Variants in TUBGCP6 observed in about 807,000 individuals in gnomAD.
The protein encoded by TUBGCP6 is tubulin gamma complex component 6, also known as gamma-tubulin complex component 6.
A neutral mutation model predicts 175.8 loss-of-function variants in TUBGCP6; 161 were observed. The ratio of observed to expected loss-of-function variants is 0.92; its 90% confidence interval spans 0.81 to 1.04. TUBGCP6 has a LOEUF of 1.04. TUBGCP6 is among the 50% of genes least tolerant of loss of function. The pLI, the probability that TUBGCP6 is intolerant of heterozygous loss-of-function variation, is 0.00. For missense variants in TUBGCP6, 2,572 were observed against 2,433.0 expected (o/e 1.06, Z -1.20); for synonymous variants, 1,173 against 1,030.5 (o/e 1.14, Z -2.65).
intron 3 of TUBGCP6, among the ~76,000 whole-genome samples, chr22:50,233,063 C>G (rs1471441941): frequency 6.6e-6 from 1 of 152,262 alleles, no homozygotes; most frequent in African/African-American, 2.4e-5. Context: ...GGAACATTTT[C>G]TATCGCTTTG....
chr22:50,238,544 G>GTTTTTTTTTTTT (rs200713867), intron 2 of TUBGCP6, among the ~76,000 whole-genome samples: 2 of 125,508 alleles, frequency 1.6e-5, no homozygotes, highest in Admixed American at 7.7e-5. Context: ...TTTTTTTTTT[G>GTTTTTTTTTTTT]TTTTTTTTTT....
chr22:50,239,999 G>A (rs1036835615), intron 2 of TUBGCP6, among the ~76,000 whole-genome samples: 3 of 152,034 alleles, frequency 2.0e-5, no homozygotes, highest in African/African-American at 7.2e-5. Flanking sequence ...GGGGAGGTGA[G>A]GCCTCCTTAA....
Position 50,221,837 on chromosome 22 carries a change from T to A in TUBGCP6, c.2522A>T (p.Gln841Leu). Residue 841 changes from glutamine (Q) to leucine (L), a missense_variant, in exon 16 of 25, where the codon CAA becomes CTA. Transcript: ENST00000248846. ...CTCTGCAGACCCAGAATCACAGCCT[T>A]GGCCTCCCTCTGGGTGCTCAGGGCC... ...SPGPEHPEGGQGCDSGSAEQH... is the reference protein window; with the variant it reads ...SPGPEHPEGGLGCDSGSAEQH... 1 of 1,512,046 alleles carries A rather than the reference T, an allele frequency of 6.6e-7. No individual in the cohort carries two copies. The highest frequency in any genetic ancestry group is 8.8e-7 in the Non-Finnish European group (1 of 1,130,614). 93.7% of individuals were successfully genotyped at this position (1,512,046 alleles called of 1,614,324 possible). A position where few individuals can be genotyped will look rare whatever the true frequency, so the allele number is the denominator to read the frequency against.
Position 50,224,177 on chromosome 22 carries a change from A to C in TUBGCP6, c.2234T>G (p.Leu745Arg). ...CTCCAGCTCCTCCTCCAGGGACTTC[A>C]GCCTTCTCTCCCTGTCTCGGAGTTC... is the stretch of plus-strand genomic sequence containing the variant. ...ARELRDRERR[L>R]KSLEEELERK... Residue 745 changes from leucine (L) to arginine (R), a missense_variant, in exon 13 of 25, where the codon CTG becomes CGG. Coordinates refer to ENST00000248846, the MANE Select transcript of TUBGCP6 (RefSeq NM_020461.4). 1 of 1,613,930 alleles carries C rather than the reference A, an allele frequency of 6.2e-7. No homozygotes were observed. Among genetic ancestry groups the C allele is most frequent in the Non-Finnish European group, 8.5e-7 (1 of 1,179,994 alleles).
Position 50,226,825 on chromosome 22 carries a change from G to C in TUBGCP6, c.1509C>G (p.Ser503=), listed in dbSNP as rs771811679. 1.9e-6 allele frequency: 3 copies of C among 1,584,154 alleles called. No homozygotes were observed. The highest frequency in any genetic ancestry group is 2.6e-6 in the Non-Finnish European group (3 of 1,165,594). ...AAFPTGVKLL[S]YLYQEALHNC... The stretch of plus-strand genomic sequence containing the variant: ...TGTGCAGAGCCTCCTGGTAGAGGTA[G>C]GACAGCAGCTTCACGCCCTGCAGAC... The change falls in exon 7 of 25, where the codon TCC becomes TCG. Residue 503 remains serine (S), a synonymous_variant. Coordinates refer to ENST00000248846, the MANE Select transcript of TUBGCP6 (RefSeq NM_020461.4).
At chr22:50,228,456 G>A (rs193184401) in intron 4 of TUBGCP6, among the ~76,000 whole-genome samples, 44 of 152,248 alleles carry the variant, frequency 2.9e-4, no homozygotes, top group African/African-American at 9.9e-4. Flanking sequence ...CAGCTGCTCC[G>A]ACCACAGCTG....
chr22:50,229,007 C>T (rs2064654911), intron 4 of TUBGCP6, among the ~76,000 whole-genome samples: 1 of 152,188 alleles, frequency 6.6e-6, no homozygotes. Context: ...CGGAGCCAGA[C>T]TTGGCTCAGA....
intron 4 of TUBGCP6, 45 bp from the exon 5 acceptor site, chr22:50,228,073 G>A (rs369030679): frequency 7.4e-5 from 110 of 1,493,628 alleles, no homozygotes; most frequent in Middle Eastern, 2.3e-4. Flanking sequence ...GCACATGGAC[G>A]CAGCCGTGCC....
Position 50,219,805 on chromosome 22 carries a change from A to G in TUBGCP6, c.4168-14T>C. 1.2e-6 allele frequency: 2 copies of G among 1,611,366 alleles called. No homozygotes were observed. Among genetic ancestry groups the G allele is most frequent in the Non-Finnish European group, 8.5e-7 (1 of 1,178,082 alleles). On this transcript the variant is annotated splice_polypyrimidine_tract_variant and intron_variant, in intron 17 of 24. Transcript: ENST00000248846. Reference sequence around the variant, plus strand: ...AGCTGTGTCTTCCTAACAAAACACCAGCCTCAGAACCACCTCCCCACTGCA... The same window carrying G: ...AGCTGTGTCTTCCTAACAAAACACCGGCCTCAGAACCACCTCCCCACTGCA...
At chr22:50,231,751 CA>C (rs1167095130) in intron 3 of TUBGCP6, among the ~76,000 whole-genome samples, 2 of 148,384 alleles carry the variant, frequency 1.3e-5, no homozygotes, top group Non-Finnish European at 3.0e-5. Flanking sequence ...CCCAGCTACT[CA>C]GGGAGGCTGA....
intron 3 of TUBGCP6, among the ~76,000 whole-genome samples, chr22:50,230,858 C>A (rs79823474): frequency 6.7e-6 from 1 of 150,346 alleles, no homozygotes; most frequent in African/African-American, 2.4e-5. Context: ...CCGAAGCAAG[C>A]GGATCACTTG....
At chr22:50,240,657 A>AC (rs2064828230) in intron 1 of TUBGCP6, among the ~76,000 whole-genome samples, 1 of 152,166 alleles carries the variant, frequency 6.6e-6, no homozygotes, top group South Asian at 2.1e-4. Flanking sequence ...AATGTGGGGA[A>AC]CCCAGAATTA....
At chr22:50,239,808 A>G (rs1044668883) in intron 2 of TUBGCP6, among the ~76,000 whole-genome samples, 1 of 152,094 alleles carries the variant, frequency 6.6e-6, no homozygotes, top group African/African-American at 2.4e-5. Context: ...GGCACTAATC[A>G]CACAGCCTGC....
Position 50,220,414 on chromosome 22 carries a change from C to T in TUBGCP6, c.3945G>A (p.Leu1315=), listed in dbSNP as rs2147177021. 1 of 1,604,456 alleles carries T rather than the reference C, an allele frequency of 6.2e-7. No individual in the cohort carries two copies. ...CTACAGGCAGCCGTGGCCCACAGTC[C>T]AGCACAGTGCTCTGTGCTCCCAGGC... ...ALSLGAQSTV[L]DCGPRLPVEV... Residue 1315 remains leucine, a synonymous_variant, in exon 16 of 25, where the codon CTG becomes CTA. Coordinates refer to ENST00000248846, the MANE Select transcript of TUBGCP6 (RefSeq NM_020461.4).
Position 50,244,218 on chromosome 22 carries a change from C to G in TUBGCP6, c.242G>C (p.Gly81Ala), listed in dbSNP as rs2064888016. 6.2e-7 allele frequency: 1 copy of G among 1,613,370 alleles called. No individual in the cohort carries two copies. The highest frequency in any genetic ancestry group is 8.5e-7 in the Non-Finnish European group (1 of 1,180,042). Residue 81 changes from glycine (G) to alanine (A), a missense_variant, in exon 1 of 25, where the codon GGC (glycine) becomes GCC (alanine). Transcript: ENST00000248846. ...CAAACGGTCGGCCTTGGGGCCCAGG[C>G]CACCCACTCTCAAGTCAAAGGACAA... ...LMLSFDLRVGGLGPKADRLEE... is the reference protein window; with the variant it reads ...LMLSFDLRVGALGPKADRLEE...
rs1450995823 is a variant in TUBGCP6, at chr22:50,221,291, T to C, written c.3068A>G (p.Glu1023Gly). ...CCCTGACACCTGCCCAAAGAGCCGC[T>C]CTGTGGGCTGGCTGCTCCCCTCCTC... The part of the protein sequence containing the change: ...ALEEGSSQPT[E>G]RLFGQVSGGG... Residue 1023 changes from glutamate (E) to glycine (G), a missense_variant, in exon 16 of 25, where the codon GAG becomes GGG. Coordinates refer to ENST00000248846, the MANE Select transcript of TUBGCP6 (RefSeq NM_020461.4). 2.5e-6 allele frequency: 4 copies of C among 1,613,864 alleles called. No individual in the cohort carries two copies. The highest frequency in any genetic ancestry group is 1.7e-6 in the Non-Finnish European group (2 of 1,180,032).
At chr22:50,227,872 A>G (rs752314440) in intron 5 of TUBGCP6, 35 bp downstream of exon 5, 8 of 1,562,102 alleles carry the variant, frequency 5.1e-6, no homozygotes, top group Non-Finnish European at 6.9e-6. Flanking sequence ...CCGCTCCCGC[A>G]AAGTCCCCTG....
In TUBGCP6 at chr22:50,217,970, G is replaced by T; in HGVS notation, c.5316C>A (p.Leu1772=). 3 of 1,610,926 alleles carry T rather than the reference G, an allele frequency of 1.9e-6. No homozygotes were observed. The highest frequency in any genetic ancestry group is 2.5e-6 in the Non-Finnish European group (3 of 1,178,888). ...TGAAGGTGTTGTAGGACTGCTGCAT[G>T]AGTGCAAAGTTGGGGTGCTCTGCAC... The part of the protein sequence containing the change: ...PRGAEHPNFA[L]MQQSYNTFKY... Residue 1772 remains leucine (L), a synonymous_variant, in exon 24 of 25, where the codon CTC becomes CTA. Transcript: ENST00000248846.
rs1233676592 is a variant in TUBGCP6 at position 50,218,721 on chromosome 22, G to A, written c.4803C>T (p.Cys1601=). 2 of 1,613,866 alleles carry A rather than the reference G, an allele frequency of 1.2e-6. No homozygotes were observed. The highest frequency in any genetic ancestry group is 1.7e-6 in the Non-Finnish European group (2 of 1,179,926). Residue 1601 remains cysteine (C), a synonymous_variant, in exon 21 of 25, where the codon TGC becomes TGT. Coordinates refer to ENST00000248846, the MANE Select transcript of TUBGCP6 (RefSeq NM_020461.4). ...TGCTGACCTTGTACCTGAGCTCCAG[G>A]CAGCTCAGCACATCCGGGGCGTTGG... ...FAPNAPDVLS[C]LELRYKVDWP... is the part of the protein sequence containing the mutation.
Sources: allele counts gnomAD v4.1 joint callset (sites outside exome capture counted in the v4.1 genomes callset), GRCh38; gene constraint gnomAD v4.1.1; transcripts MANE v1.5; gene names NCBI Gene and HGNC (gene_info 2026-07-23, HGNC 2026-07-21).